PCDHGB4: variants seen among roughly 807,000 people sequenced by gnomAD.
PCDHGB4 encodes the protein protocadherin gamma subfamily B, 4.
In PCDHGB4, 38 loss-of-function variants were observed where a neutral mutation model predicts 60.5. That is an observed-to-expected ratio of 0.63 (90% CI 0.48 to 0.82). The LOEUF is 0.82. Among genes scored for constraint, PCDHGB4 ranks in the 40% least tolerant of loss-of-function variants. The pLI is 0.00. For synonymous variants in PCDHGB4, 456 were observed against 509.7 expected (o/e 0.89, Z 1.42); for missense variants, 1,109 against 1,209.6 (o/e 0.92, Z 1.23).
intron 2 of PCDHGB4, among the ~76,000 whole-genome samples, chr5:141,496,505 A>G (rs1166234572): frequency 1.3e-5 from 2 of 152,144 alleles, no homozygotes; most frequent in Non-Finnish European, 2.9e-5. Flanking sequence ...TGTTGCCACA[A>G]GGACCCAGGA....
intron 2 of PCDHGB4, among the ~76,000 whole-genome samples, chr5:141,495,922 C>G (rs1263216717): frequency 6.6e-6 from 1 of 152,100 alleles, no homozygotes; most frequent in Non-Finnish European, 1.5e-5. Context: ...CTTTCTTTGT[C>G]TCTGTCTCTG....
intron 1 of PCDHGB4, chr5:141,426,732 C>T (rs576525011): frequency 2.7e-4 from 123 of 448,642 alleles, no homozygotes; most frequent in African/African-American, 2.2e-3. Context: ...TCCAGGCATT[C>T]GGTTTGGCCT....
intron 1 of PCDHGB4, among the ~76,000 whole-genome samples, chr5:141,449,310 A>G (rs1006876700): frequency 4.6e-5 from 7 of 152,112 alleles, no homozygotes; most frequent in Non-Finnish European, 7.4e-5. Context: ...TATGTATTAT[A>G]TAATTGTATC....
At position 141,489,049 on chromosome 5, in the gene PCDHGB4, T is replaced by G; in HGVS notation, c.2398-5758T>G. 2.1e-6 allele frequency: 1 copy of G among 477,660 alleles called. No homozygotes were observed. Among genetic ancestry groups the G allele is most frequent in the Non-Finnish European group, 3.7e-6 (1 of 272,910 alleles). 29.6% of individuals were successfully genotyped at this position (477,660 alleles called of 1,614,324 possible). On this transcript the variant is annotated intron_variant, in intron 1 of 3. Transcript: ENST00000519479. The surrounding 1 kb of genome is among the most constrained non-coding windows in gnomAD (Gnocchi z 4.5). ...CTCCAGCTCCCCAGCTCCACTCAAA[T>G]TCAGCTCCCCTCCCCCCTGCCCACC... is the stretch of plus-strand genomic sequence containing the variant.
In PCDHGB4 at chr5:141,477,913, T is replaced by G; in HGVS notation, c.2398-16894T>G. ...CACGGGTGGTAGGCTGGGACGCGGA[T>G]GCAGGGCACAATGCCTGGCTCTCCT... On this transcript the variant is annotated intron_variant, in intron 1 of 3. Transcript: ENST00000519479. This position sits in a 1 kb window ranked among gnomAD's most constrained non-coding sequence, Gnocchi z 4.9. 6.2e-7 allele frequency: 1 copy of G among 1,614,190 alleles called. No individual in the cohort carries two copies. Among genetic ancestry groups the G allele is most frequent in the Non-Finnish European group, 8.5e-7 (1 of 1,180,024 alleles).
At position 141,494,852 on chromosome 5, in the gene PCDHGB4, C is replaced by T. The variant is rs755464933; in HGVS notation, c.2443C>T (p.Pro815Ser). ...TDWRFSQAQR[P>S]GTSGSQNGDD... is the part of the protein sequence containing the mutation. Reference sequence around the variant, plus strand: ...CTGGCGTTTCTCTCAGGCCCAGAGACCCGGCACCAGCGGGTAGGTGACTGA... The same window carrying T: ...CTGGCGTTTCTCTCAGGCCCAGAGATCCGGCACCAGCGGGTAGGTGACTGA... The change falls in exon 2 of 4, where the codon CCC (proline) becomes TCC (serine). Residue 815 changes from proline (P) to serine (S), a missense_variant. This residue lies in a region of PCDHGB4 where 1,068 missense variants were observed against 1,089.9 expected (regional missense o/e 0.98). Coordinates refer to ENST00000519479, the MANE Select transcript of PCDHGB4 (RefSeq NM_003736.4). 6 of 1,614,042 alleles carry T rather than the reference C, an allele frequency of 3.7e-6. No homozygotes were observed. Among genetic ancestry groups the T allele is most frequent in the Admixed American group, 1.7e-5 (1 of 60,000 alleles).
intron 1 of PCDHGB4, chr5:141,421,470 A>T: frequency 2.5e-6 from 4 of 1,614,130 alleles, no homozygotes; most frequent in Non-Finnish European, 3.4e-6. Context: ...TGAATCCGCG[A>T]AGCGGCAGCT....
chr5:141,456,712 C>T (rs1025899058), intron 1 of PCDHGB4, among the ~76,000 whole-genome samples: 2 of 152,190 alleles, frequency 1.3e-5, no homozygotes, highest in African/African-American at 4.8e-5. Context: ...CGCCTGTAAT[C>T]CCAGCACTTT....
intron 1 of PCDHGB4, among the ~76,000 whole-genome samples, chr5:141,439,190 C>CAAA (rs200519543): frequency 1.8e-5 from 2 of 111,760 alleles, no homozygotes; most frequent in African/African-American, 6.3e-5. Context: ...GAGACTCTGA[C>CAAA]AAAAAAAAAA....
rs763582836 is a variant in PCDHGB4 at position 141,404,442 on chromosome 5, A to G, written c.2397+14161A>G. Reference sequence around the variant, plus strand: ...TACTCCTTGGCAGAGGATACCATCCAAGGGTCTCCTCTCTCCACCTATGTC... The same window carrying G: ...TACTCCTTGGCAGAGGATACCATCCGAGGGTCTCCTCTCTCCACCTATGTC... On this transcript the variant is annotated intron_variant, in intron 1 of 3. Transcript: ENST00000519479. 21 of 1,610,906 alleles carry G rather than the reference A, an allele frequency of 1.3e-5. No homozygotes were observed. In the Admixed American group the frequency reaches 3.5e-4, roughly 27 times the overall value.
At position 141,489,657 on chromosome 5, in the gene PCDHGB4, G is replaced by T. The variant is rs755618175; in HGVS notation, c.2398-5150G>T. 6.2e-7 allele frequency: 1 copy of T among 1,614,198 alleles called. No individual in the cohort carries two copies. Among genetic ancestry groups the T allele is most frequent in the Admixed American group, 1.7e-5 (1 of 60,030 alleles). ...CTAGCTTTGCCACCCCTGAGCGAGA[G>T]ATGCGCATCTCAGAATCAGCAGCAT... On this transcript the variant is annotated intron_variant, in intron 1 of 3. Coordinates refer to ENST00000519479, the MANE Select transcript of PCDHGB4 (RefSeq NM_003736.4). This position sits in a 1 kb window ranked among gnomAD's most constrained non-coding sequence, Gnocchi z 4.5.
At chr5:141,413,065 T>A (rs2095601710) in intron 1 of PCDHGB4, 2 of 1,159,986 alleles carry the variant, frequency 1.7e-6, no homozygotes, top group African/African-American at 3.1e-5. Flanking sequence ...CTCCAGAATT[T>A]AAAGTGCCCA....
rs145484670 is a variant in PCDHGB4 at position 141,469,912 on chromosome 5, C to T, written c.2398-24895C>T. Among the ~76,000 whole-genome samples, 674 of 152,288 alleles carry T rather than the reference C, an allele frequency of 4.4e-3. 6 individuals are homozygous for T. The highest frequency in any genetic ancestry group is 0.015 in the African/African-American group (642 of 41,562). On this transcript the variant is annotated intron_variant, in intron 1 of 3. Transcript: ENST00000519479. ...TTGGGAAGCCGAGGCAGGCAGACCA[C>T]CCGAGGTCAGGAGTTTGAGACCAGC...
intron 1 of PCDHGB4, chr5:141,479,478 G>T (rs760475025): frequency 2.6e-5 from 4 of 152,408 alleles, no homozygotes; most frequent in African/African-American, 9.6e-5. Context: ...TCTTGGGAGG[G>T]CAGGACCATC....
Position 141,426,915 on chromosome 5 carries a change from G to A in PCDHGB4, c.2397+36634G>A, listed in dbSNP as rs143411146. On this transcript the variant is annotated intron_variant, in intron 1 of 3. Coordinates refer to ENST00000519479, the MANE Select transcript of PCDHGB4 (RefSeq NM_003736.4). ...ACAGAGCTCTCATCTCCTGGTCCTG[G>A]AAGCAATGGACATGGGTGACCCAGT... 1,737 of 456,738 alleles carry A rather than the reference G, an allele frequency of 3.8e-3. 17 individuals carry two copies. Among genetic ancestry groups the A allele is most frequent in the Admixed American group, 0.01 (426 of 42,586 alleles). The allele number at this position is 456,738 out of a possible 1,614,324, so 28.3% of individuals were successfully genotyped here.
At position 141,474,586 on chromosome 5, in the gene PCDHGB4, A is replaced by T. The variant is rs149003643; in HGVS notation, c.2398-20221A>T. 7.1e-4 allele frequency among the ~76,000 whole-genome samples: 108 copies of T among 152,340 alleles called. No individual in the cohort carries two copies. The East Asian group carries it at 0.015, about 21-fold the overall frequency. The stretch of plus-strand genomic sequence containing the variant: ...TCAGAGATTAATTGAAGTGTTAAAG[A>T]CATGGAAATATAGGTCACATATGGC... On this transcript the variant is annotated intron_variant, in intron 1 of 3. Coordinates refer to ENST00000519479, the MANE Select transcript of PCDHGB4 (RefSeq NM_003736.4).
rs769249726 is a variant in PCDHGB4 at position 141,490,832 on chromosome 5, A to C, written c.2398-3975A>C. On this transcript the variant is annotated intron_variant, in intron 1 of 3. Transcript: ENST00000519479. This position sits in a 1 kb window ranked among gnomAD's most constrained non-coding sequence, Gnocchi z 5.4. Reference sequence around the variant, plus strand: ...GACTATGAATTGCTGCAGATGCTGCAGATTGTGGTGGGGGTTCGAGACTCC... The same window carrying C: ...GACTATGAATTGCTGCAGATGCTGCCGATTGTGGTGGGGGTTCGAGACTCC... 1.5e-5 allele frequency: 25 copies of C among 1,613,796 alleles called. No individual in the cohort carries two copies. In the South Asian group the frequency reaches 2.6e-4, roughly 17 times the overall value.
chr5:141,498,971 GGGAAGGAAGGAAGGAAGGAAGGAAGGAA>G (rs201769957), intron 2 of PCDHGB4, among the ~76,000 whole-genome samples: 8 of 111,052 alleles, frequency 7.2e-5, no homozygotes, highest in South Asian at 3.8e-4. Flanking sequence ...GAGGGAGGGA[GGGAAGGAAGGAAGGAAGGAAGGAAGGAA>G]GGAAGGAAGG....
chr5:141,432,281 A>C lies in PCDHGB4; in HGVS notation c.2397+42000A>C, dbSNP rs1313887209. 1 of 1,614,188 alleles carries C rather than the reference A, an allele frequency of 6.2e-7. No individual in the cohort carries two copies. The highest frequency in any genetic ancestry group is 1.1e-5 in the South Asian group (1 of 91,084). On this transcript the variant is annotated intron_variant, in intron 1 of 3. Coordinates refer to ENST00000519479, the MANE Select transcript of PCDHGB4 (RefSeq NM_003736.4). The surrounding 1 kb of genome is among the most constrained non-coding windows in gnomAD (Gnocchi z 6.0). The stretch of plus-strand genomic sequence containing the variant: ...AAGCCTATCGTCCTACGTGTCCATC[A>C]ACTCCGACACTGGGGTACTGTATGC...
Sources: allele counts gnomAD v4.1 joint callset (sites outside exome capture counted in the v4.1 genomes callset), GRCh38; gene constraint gnomAD v4.1.1; regional missense constraint gnomAD v4.1.1; non-coding constraint Gnocchi (gnomAD v3.1); transcripts MANE v1.5; gene names NCBI Gene and HGNC (gene_info 2026-07-23, HGNC 2026-07-21).